EPHA7: variants seen among roughly 807,000 people sequenced by gnomAD.
EPHA7 encodes the protein ephrin type-A receptor 7.
Under a neutral mutation model 112.6 loss-of-function variants are expected in EPHA7, and 25 were observed. The observed-to-expected ratio is 0.22, with a 90% CI of 0.16 to 0.31. The LOEUF (loss-of-function observed/expected upper bound fraction) is 0.31, where lower values mean the gene tolerates loss of function less well. Among genes scored for constraint, EPHA7 ranks in the 10% least tolerant of loss-of-function variants. The pLI, the probability that EPHA7 is intolerant of heterozygous loss-of-function variation, is 1.00. For synonymous variants in EPHA7, 437 were observed against 406.5 expected (o/e 1.07, Z -0.90); for missense variants, 962 against 1,212.6 (o/e 0.79, Z 3.07).
chr6:93,244,121 T>A (rs1010351379), intron 16 of EPHA7, among the ~76,000 whole-genome samples: 1 of 152,162 alleles, frequency 6.6e-6, no homozygotes. Context: ...TTTAATAGCT[T>A]AAATTTGAAT....
chr6:93,283,516 C>T (rs947388316), intron 5 of EPHA7, among the ~76,000 whole-genome samples: 4 of 152,074 alleles, frequency 2.6e-5, no homozygotes, highest in South Asian at 2.1e-4. Flanking sequence ...ACAATCAATG[C>T]GAAGGTCTGC....
At chr6:93,335,048 A>G (rs1324399034) in intron 5 of EPHA7, among the ~76,000 whole-genome samples, 1 of 152,068 alleles carries the variant, frequency 6.6e-6, no homozygotes, top group African/African-American at 2.4e-5. Flanking sequence ...TCACCCAGCA[A>G]CTGTATGGGC....
At chr6:93,347,974 T>C (rs768102305) in intron 5 of EPHA7, among the ~76,000 whole-genome samples, 15 of 151,820 alleles carry the variant, frequency 9.9e-5, no homozygotes, top group Non-Finnish European at 1.3e-4. Context: ...AAGCATTAAA[T>C]TGGAAATATG....
At chr6:93,316,193 T>C (rs1298782264) in intron 5 of EPHA7, among the ~76,000 whole-genome samples, 1 of 152,118 alleles carries the variant, frequency 6.6e-6, no homozygotes, top group African/African-American at 2.4e-5. Flanking sequence ...AAACCATAAC[T>C]GGTAAGGCAG....
chr6:93,256,370 T>G lies in EPHA7; in HGVS notation c.2173-333A>C, dbSNP rs150327350. Among the ~76,000 whole-genome samples the G allele has an allele frequency of 2.0e-5, 3 of 152,098 alleles. No homozygotes were observed. The East Asian group carries it at 5.8e-4, about 29-fold the overall frequency. On this transcript the variant is annotated intron_variant, in intron 12 of 16. Transcript: ENST00000369303. ...AAATTACCCCCAATAGCTAAGTGTT[T>G]TCCCCACATGCCAAAAAGTCTAAAT...
chr6:93,369,236 T>C (rs985935358), intron 3 of EPHA7, among the ~76,000 whole-genome samples: 15 of 149,356 alleles, frequency 1.0e-4, no homozygotes, highest in African/African-American at 3.7e-4. Context: ...TACATAGAAT[T>C]TTTAGAAATA....
At chr6:93,317,710 A>G (rs1773879530) in intron 5 of EPHA7, among the ~76,000 whole-genome samples, 1 of 152,086 alleles carries the variant, frequency 6.6e-6, no homozygotes, top group African/African-American at 2.4e-5. Flanking sequence ...TCCTCCCTCC[A>G]TATCAAACCA....
intron 5 of EPHA7, among the ~76,000 whole-genome samples, chr6:93,289,606 A>G (rs1276005054): frequency 6.6e-6 from 1 of 152,098 alleles, no homozygotes; most frequent in East Asian, 1.9e-4. Flanking sequence ...CCTGGGTGAC[A>G]GTGCAAGACT....
intron 3 of EPHA7, among the ~76,000 whole-genome samples, chr6:93,392,928 ATTCT>A (rs552680079): frequency 3.1e-4 from 47 of 151,996 alleles, no homozygotes; most frequent in Non-Finnish European, 4.7e-4. Flanking sequence ...AGAAACAGAA[ATTCT>A]TTATTAGGAA....
At chr6:93,375,262 C>A (rs1277579625) in intron 3 of EPHA7, among the ~76,000 whole-genome samples, 3 of 151,950 alleles carry the variant, frequency 2.0e-5, no homozygotes, top group African/African-American at 7.2e-5. Flanking sequence ...AACTCATGTT[C>A]CAATATGTGT....
chr6:93,390,499 C>T (rs1307873950), intron 3 of EPHA7, among the ~76,000 whole-genome samples: 3 of 149,702 alleles, frequency 2.0e-5, no homozygotes, highest in Non-Finnish European at 3.0e-5. Flanking sequence ...ATTTTGAGAA[C>T]ATATGCTAGA....
intron 5 of EPHA7, among the ~76,000 whole-genome samples, chr6:93,318,613 AC>A (rs1447380459): frequency 1.3e-5 from 2 of 152,098 alleles, no homozygotes; most frequent in African/African-American, 4.8e-5. Context: ...ACATAAAAGT[AC>A]TATGTCATTT....
chr6:93,358,121 A>G (rs952091125), intron 4 of EPHA7, 135 bp downstream of exon 4: 3 of 623,764 alleles, frequency 4.8e-6, no homozygotes, highest in Non-Finnish European at 6.7e-6. Context: ...TTTTATCTTA[A>G]TATTTTAAAA....
At chr6:93,335,323 T>A (rs1348836934) in intron 5 of EPHA7, among the ~76,000 whole-genome samples, 1 of 152,084 alleles carries the variant, frequency 6.6e-6, no homozygotes, top group Non-Finnish European at 1.5e-5. Flanking sequence ...ATGTAAAACA[T>A]AATCATCAAC....
chr6:93,311,139 T>C (rs1479615206), intron 5 of EPHA7, among the ~76,000 whole-genome samples: 4 of 125,986 alleles, frequency 3.2e-5, no homozygotes, highest in African/African-American at 1.2e-4. Flanking sequence ...TTTTTTTTTT[T>C]TTACAGAGAT....
intron 1 of EPHA7, 44 bp from the exon 2 acceptor site, chr6:93,414,811 A>ACT (rs1215483459): frequency 6.7e-7 from 1 of 1,495,288 alleles, no homozygotes. Flanking sequence ...TGAAACACTT[A>ACT]CGCACACATG....
intron 3 of EPHA7, among the ~76,000 whole-genome samples, chr6:93,398,618 G>C (rs532078903): frequency 1.3e-5 from 2 of 152,050 alleles, no homozygotes; most frequent in East Asian, 3.9e-4. Flanking sequence ...ATGGAACAGG[G>C]ATTGAAAAGA....
At position 93,258,171 on chromosome 6, in the gene EPHA7, A is replaced by C. The variant is rs1770524334; in HGVS notation, c.2038T>G (p.Leu680Val). The C allele has an allele frequency of 6.2e-7, 1 of 1,613,380 alleles. No homozygotes were observed. Among genetic ancestry groups the C allele is most frequent in the Non-Finnish European group, 8.5e-7 (1 of 1,179,702 alleles). Reference sequence around the variant, plus strand: ...TGCCCCATGATGCTTGCTTCACACAAAAAGTCTCTCCTTTGTTTTTCTGTG... The same window carrying C: ...TGCCCCATGATGCTTGCTTCACACACAAAGTCTCTCCTTTGTTTTTCTGTG... Reference protein sequence around the residue: ...GYTEKQRRDFLCEASIMGQFD... With the variant: ...GYTEKQRRDFVCEASIMGQFD... The change falls in exon 11 of 17, where the codon TTG (leucine) becomes GTG (valine). Residue 680 changes from leucine (L) to valine (V), a missense_variant. By Grantham distance (32) the Leu-to-Val change is conservative. Around this residue, in one of 3 missense-constraint regions of EPHA7, gnomAD observed 746 missense variants for 889.2 expected, o/e 0.84. Transcript: ENST00000369303.
At chr6:93,398,776 G>A (rs1410681036) in intron 3 of EPHA7, among the ~76,000 whole-genome samples, 1 of 151,952 alleles carries the variant, frequency 6.6e-6, no homozygotes, top group Non-Finnish European at 1.5e-5. Context: ...TACAAAGGAG[G>A]GAAATGATCC....
Sources: gnomAD v4.1 joint callset for allele counts (sites outside exome capture counted in the v4.1 genomes callset) on GRCh38, gnomAD v4.1.1 for gene constraint, gnomAD v4.1.1 regional missense constraint, MANE v1.5 for transcripts, NCBI Gene and HGNC (gene_info 2026-07-23, HGNC 2026-07-21) for gene names.